The following TAF1 variants were observed in gnomAD, a reference collection of about 807,000 sequenced individuals.
TAF1 encodes the protein TATA-box binding protein associated factor 1.
Under a neutral mutation model 138.5 loss-of-function variants are expected in TAF1, and 2 were observed. That is an observed-to-expected ratio of 0.01 (90% CI 0.01 to 0.05). The LOEUF (loss-of-function observed/expected upper bound fraction) is 0.05. Ranked by LOEUF, TAF1 falls within the 10% of genes least tolerant of loss-of-function variation. The probability of loss-of-function intolerance (pLI) is 1.00; values close to 1 mark genes in which losing one functional copy is unlikely to be tolerated. For synonymous variants in TAF1, 437 were observed against 503.2 expected (o/e 0.87, Z 1.76); for missense variants, 709 against 1,478.0 (o/e 0.48, Z 8.53).
In TAF1 at chrX:71,436,279, G is replaced by A. The variant is rs191244169; in HGVS notation, c.4753+12041G>A. The stretch of plus-strand genomic sequence containing the variant: ...CACCCAGGCTGGAGTGCAGTGGCGC[G>A]ATCTCGGCTCACTGCAAGCTCCACC... On this transcript the variant is annotated intron_variant, in intron 32 of 37. Coordinates refer to ENST00000423759, the MANE Select transcript of TAF1 (RefSeq NM_004606.5). Among the ~76,000 whole-genome samples, 293 of 99,691 alleles carry A rather than the reference G, an allele frequency of 2.9e-3. 4 individuals carry two copies. The highest frequency in any genetic ancestry group is 0.029 in the Admixed American group (260 of 8,900). The allele number at this position is 99,691 out of a possible 115,157, so 86.6% of individuals were successfully genotyped here.
intron 29 of TAF1, among the ~76,000 whole-genome samples, chrX:71,421,814 AC>A (rs2036358341): frequency 8.9e-6 from 1 of 112,247 alleles, no homozygotes; most frequent in Admixed American, 9.5e-5. Context: ...CCCTCTTCTT[AC>A]TGAAAACAAT....
chrX:71,417,457 G>C (rs749475953), intron 28 of TAF1, among the ~76,000 whole-genome samples: 3 of 110,783 alleles, frequency 2.7e-5, no homozygotes, highest in Non-Finnish European at 3.8e-5. Flanking sequence ...CCCTGGGCTC[G>C]ATGATTCTCC....
chrX:71,437,322 C>G (rs960848511), intron 32 of TAF1, among the ~76,000 whole-genome samples: 52 of 110,827 alleles, frequency 4.7e-4, no homozygotes, highest in African/African-American at 1.6e-3. Context: ...ATACTAGTTT[C>G]TAAGTCTTTG....
At chrX:71,524,208 T>C (rs1274492214) in intron 13 of TAF1, among the ~76,000 whole-genome samples, 1 of 108,702 alleles carries the variant, frequency 9.2e-6, no homozygotes, top group African/African-American at 3.4e-5. Context: ...TTTTAATTTT[T>C]TTTTGTAGAG....
intron 32 of TAF1, among the ~76,000 whole-genome samples, chrX:71,429,485 A>T (rs1475745049): frequency 9.0e-6 from 1 of 111,252 alleles, no homozygotes; most frequent in Non-Finnish European, 1.9e-5. Context: ...GTGTGCTGGT[A>T]GTTAAATATG....
chrX:71,461,007 CACAA>C, intron 37 of TAF1: 1 of 464,165 alleles, frequency 2.2e-6, no homozygotes, highest in Non-Finnish European at 3.6e-6. Context: ...AAAAGACTGA[CACAA>C]ACAAATCATT....
At chrX:71,497,902 A>G (rs1450220595) in intron 13 of TAF1, among the ~76,000 whole-genome samples, 2 of 111,932 alleles carry the variant, frequency 1.8e-5, no homozygotes, top group Non-Finnish European at 3.8e-5. Flanking sequence ...AGGATAAGCC[A>G]GTATAGGCTG....
At chrX:71,471,056 A>G (rs112121000) in intron 13 of TAF1, among the ~76,000 whole-genome samples, 7,947 of 106,628 alleles carry the variant, frequency 0.075, 676 homozygotes, top group African/African-American at 0.25. Context: ...TGTGGCTCAC[A>G]CCTATAATCC....
chrX:71,454,676 G>C, intron 33 of TAF1, 65 bp from the exon 34 acceptor site: 1 of 988,573 alleles, frequency 1.0e-6, no homozygotes, highest in Admixed American at 2.9e-5. Flanking sequence ...TTTGTCTTTT[G>C]TTTACTTTTG....
At chrX:71,519,568 G>A (rs1236288647) in intron 13 of TAF1, among the ~76,000 whole-genome samples, 3 of 106,641 alleles carry the variant, frequency 2.8e-5, no homozygotes, top group Non-Finnish European at 3.9e-5. Flanking sequence ...GCATGAACCC[G>A]GGAGGCAGAG....
intron 13 of TAF1, among the ~76,000 whole-genome samples, chrX:71,500,455 G>A (rs1209745714): frequency 2.7e-5 from 3 of 110,839 alleles, no homozygotes; most frequent in Non-Finnish European, 5.7e-5. Context: ...TTTCAAGGGT[G>A]AGCCTGTTGA....
At chrX:71,503,342 A>ATATATATATGTG in intron 13 of TAF1, among the ~76,000 whole-genome samples, 1 of 96,585 alleles carries the variant, frequency 1.0e-5, no homozygotes, top group Non-Finnish European at 2.0e-5. Flanking sequence ...ATATATATAT[A>ATATATATATGTG]TGTGTATATA....
At chrX:71,370,334 C>A (rs1326462253) in intron 3 of TAF1, among the ~76,000 whole-genome samples, 2 of 110,957 alleles carry the variant, frequency 1.8e-5, no homozygotes, top group African/African-American at 6.6e-5. Context: ...TTCTACCTCT[C>A]ACTGCTTGAG....
chrX:71,371,861 T>C (rs191335931), intron 3 of TAF1, among the ~76,000 whole-genome samples: 2 of 112,219 alleles, frequency 1.8e-5, no homozygotes, highest in Non-Finnish European at 3.8e-5. Flanking sequence ...TTCACACTTT[T>C]GTGAGAATTG....
chrX:71,430,500 C>T (rs1041148613), intron 32 of TAF1, among the ~76,000 whole-genome samples: 1 of 110,254 alleles, frequency 9.1e-6, no homozygotes, highest in Non-Finnish European at 1.9e-5. Context: ...TGAAAAGATA[C>T]TCAAATTGCA....
chrX:71,527,400 A>G (rs866086954), intron 13 of TAF1, among the ~76,000 whole-genome samples: 7 of 109,918 alleles, frequency 6.4e-5, no homozygotes, highest in East Asian at 5.6e-4. Context: ...AAAAAAAAAA[A>G]AAAAGAAAAG....
chrX:71,506,689 G>A (rs1420181869), intron 13 of TAF1, among the ~76,000 whole-genome samples: 1 of 103,749 alleles, frequency 9.6e-6, no homozygotes, highest in East Asian at 3.0e-4. Flanking sequence ...GCAACAGAGC[G>A]AGACCCTGTC....
intron 28 of TAF1, among the ~76,000 whole-genome samples, chrX:71,412,259 G>A (rs1231699081): frequency 9.2e-6 from 1 of 109,200 alleles, no homozygotes; most frequent in East Asian, 2.9e-4. Flanking sequence ...CAAGTAGCTG[G>A]AACCACAGGC....
intron 15 of TAF1, among the ~76,000 whole-genome samples, chrX:71,387,668 T>C (rs937933230): frequency 9.0e-6 from 1 of 111,355 alleles, no homozygotes; most frequent in Non-Finnish European, 1.9e-5. Flanking sequence ...GCGTGGTGGC[T>C]CACGCCTGTG....
Sources: gnomAD v4.1 joint callset for allele counts (sites outside exome capture counted in the v4.1 genomes callset) on GRCh38, gnomAD v4.1.1 for gene constraint, MANE v1.5 for transcripts, NCBI Gene and HGNC (gene_info 2026-07-23, HGNC 2026-07-21) for gene names.